TMEM248: variants seen among roughly 807,000 people sequenced by gnomAD.
The protein encoded by TMEM248 is UPF0458 protein C7orf42.
Under a neutral mutation model 30.3 loss-of-function variants are expected in TMEM248, and 9 were observed. The observed-to-expected ratio is 0.30, with a 90% confidence interval of 0.18 to 0.52. The LOEUF is 0.52. TMEM248 is among the 20% of genes least tolerant of loss of function. The probability of loss-of-function intolerance (pLI) is 0.97; values close to 1 mark genes in which losing one functional copy is unlikely to be tolerated. For synonymous variants in TMEM248, 184 were observed against 154.4 expected (o/e 1.19, Z -1.42); for missense variants, 338 against 403.3 (o/e 0.84, Z 1.39).
chr7:66,921,701 C>CTT (rs1791389302), intron 1 of TMEM248: 1 of 152,326 alleles, frequency 6.6e-6, no homozygotes, highest in Non-Finnish European at 1.5e-5. Context: ...CCCTGCCGGC[C>CTT]TTGGAGATGG....
intron 2 of TMEM248, 126 bp from the exon 3 acceptor site, chr7:66,944,840 CATGATCTTAA>C: frequency 1.1e-6 from 1 of 908,320 alleles, no homozygotes; most frequent in South Asian, 1.7e-5. Flanking sequence ...GCCGAGTTGT[CATGATCTTAA>C]ATGATCAGCT....
chr7:66,948,131 T>G (rs1172482152), intron 3 of TMEM248, among the ~76,000 whole-genome samples: 1 of 152,200 alleles, frequency 6.6e-6, no homozygotes, highest in Admixed American at 6.5e-5. Flanking sequence ...TGTTTGTTCA[T>G]ATGTAAAAGG....
intron 6 of TMEM248, 117 bp from the exon 7 acceptor site, chr7:66,955,385 G>A: frequency 8.4e-7 from 1 of 1,187,742 alleles, no homozygotes; most frequent in East Asian, 2.4e-5. Flanking sequence ...TAGGGATTTA[G>A]TAACTTCACT....
At chr7:66,942,702 G>C (rs1171478408) in intron 2 of TMEM248, among the ~76,000 whole-genome samples, 1 of 151,972 alleles carries the variant, frequency 6.6e-6, no homozygotes, top group East Asian at 1.9e-4. Context: ...CGCCACGTTG[G>C]CCAGGCTGGT....
chr7:66,948,818 T>G, intron 4 of TMEM248, 124 bp downstream of exon 4: 28 of 1,006,454 alleles, frequency 2.8e-5, no homozygotes, highest in Non-Finnish European at 3.4e-5. Context: ...GAATTATCTC[T>G]ACTCGGACCT....
chr7:66,928,562 T>G (rs1307161253), intron 1 of TMEM248, among the ~76,000 whole-genome samples: 1 of 152,196 alleles, frequency 6.6e-6, no homozygotes, highest in Non-Finnish European at 1.5e-5. Flanking sequence ...AAAAAATATG[T>G]TAAGCGCTTG....
At chr7:66,930,033 A>G (rs1025986316) in intron 1 of TMEM248, among the ~76,000 whole-genome samples, 14 of 152,062 alleles carry the variant, frequency 9.2e-5, no homozygotes, top group African/African-American at 2.4e-4. Flanking sequence ...GGTAGCATGC[A>G]CTTGTAGTCC....
rs565380818 is a variant in TMEM248 at position 66,953,213 on chromosome 7, C to T, written c.781-13C>T. ...AGCAGATGTTTCTGATTTTTTTTCT[C>T]TTCTTTATTTAGGATGACCGTTCAT... On this transcript the variant is annotated splice_polypyrimidine_tract_variant and intron_variant, in intron 5 of 6. Coordinates refer to ENST00000341567, the MANE Select transcript of TMEM248 (RefSeq NM_017994.5). 28 of 1,609,980 alleles carry T rather than the reference C, an allele frequency of 1.7e-5. No individual in the cohort carries two copies. The highest frequency in any genetic ancestry group is 3.4e-5 in the Admixed American group (2 of 59,062).
rs1156882038 is a variant in TMEM248, at chr7:66,931,792, C to CTTTTTTT, written c.-18-10032_-18-10026dup. Reference sequence around the variant, plus strand: ...TGTGCCCAACCAGGAGGCCTTCCTCCTTTTTTTTTTTTTTTTTTTTTTTTT... The same window carrying CTTTTTTT: ...TGTGCCCAACCAGGAGGCCTTCCTCCTTTTTTTTTTTTTTTTTTTTTTTTTTTTTTTT... On this transcript the variant is annotated intron_variant, in intron 1 of 6. Coordinates refer to ENST00000341567, the MANE Select transcript of TMEM248 (RefSeq NM_017994.5). Among the ~76,000 whole-genome samples the CTTTTTTT allele has an allele frequency of 2.1e-4, 19 of 88,456 alleles. 2 individuals are homozygous for CTTTTTTT. The highest frequency in any genetic ancestry group is 9.6e-4 in the African/African-American group (18 of 18,772). The allele number at this position is 88,456 out of a possible 152,430, so 58.0% of individuals were successfully genotyped here. A position where few individuals can be genotyped will look rare whatever the true frequency, so the allele number is the denominator to read the frequency against.
rs1792384421 is a variant in TMEM248, at chr7:66,955,716, C to T, written c.*194C>T. The stretch of plus-strand genomic sequence containing the variant: ...CTATTCAGAAATTGGTCCAATAATG[C>T]ACGTGCTTTGCCCTGGGTACAGCCA... On this transcript the variant is annotated 3_prime_UTR_variant, in exon 7 of 7. Coordinates refer to ENST00000341567, the MANE Select transcript of TMEM248 (RefSeq NM_017994.5). 1 of 696,646 alleles carries T rather than the reference C, an allele frequency of 1.4e-6. No homozygotes were observed. Among genetic ancestry groups the T allele is most frequent in the Admixed American group, 3.2e-5 (1 of 31,402 alleles). The allele number at this position is 696,646 out of a possible 1,614,324, so 43.2% of individuals were successfully genotyped here. A position where few individuals can be genotyped will look rare whatever the true frequency, so the allele number is the denominator to read the frequency against.
intron 1 of TMEM248, among the ~76,000 whole-genome samples, chr7:66,932,007 T>G (rs1791681336): frequency 6.6e-6 from 1 of 151,628 alleles, no homozygotes; most frequent in African/African-American, 2.4e-5. Flanking sequence ...GGTTTCACCA[T>G]GTTAGTCAGG....
At chr7:66,942,189 T>A (rs1791981693) in intron 2 of TMEM248, among the ~76,000 whole-genome samples, 165 bp downstream of exon 2, 1 of 152,222 alleles carries the variant, frequency 6.6e-6, no homozygotes, top group African/African-American at 2.4e-5. Context: ...GGACTCACTT[T>A]GTTAGGAAAT....
chr7:66,943,222 C>A (rs59500979), intron 2 of TMEM248, among the ~76,000 whole-genome samples: 1 of 152,130 alleles, frequency 6.6e-6, no homozygotes, highest in African/African-American at 2.4e-5. Flanking sequence ...AATGAATATT[C>A]TACTCAAAAC....
At chr7:66,947,227 A>C (rs1237851136) in intron 3 of TMEM248, among the ~76,000 whole-genome samples, 2 of 151,550 alleles carry the variant, frequency 1.3e-5, no homozygotes, top group Non-Finnish European at 2.9e-5. Flanking sequence ...AAAAAAAAAA[A>C]AAAAAAAACA....
chr7:66,935,947 A>C (rs1791792543), intron 1 of TMEM248, among the ~76,000 whole-genome samples: 1 of 152,246 alleles, frequency 6.6e-6, no homozygotes, highest in South Asian at 2.1e-4. Context: ...TTGGTCTATC[A>C]GTTCTAGTTT....
intron 1 of TMEM248, among the ~76,000 whole-genome samples, chr7:66,927,686 T>G (rs1399839399): frequency 6.6e-6 from 1 of 151,262 alleles, no homozygotes; most frequent in Non-Finnish European, 1.5e-5. Context: ...CGAACTCCTG[T>G]GCTCAAGTGA....
At position 66,957,040 on chromosome 7, in the gene TMEM248, AAG is replaced by A. The variant is rs1276761248; in HGVS notation, c.*1519_*1520del. ...TTTTCTTTCTAATCCTTATTCATTT[AAG>A]CAAAACCATACATTATCTTTTCCAG... On this transcript the variant is annotated 3_prime_UTR_variant, in exon 7 of 7. Transcript: ENST00000341567. The A allele has an allele frequency of 2.0e-4, 31 of 152,594 alleles. No homozygotes were observed. The highest frequency in any genetic ancestry group is 2.9e-5 in the Non-Finnish European group (2 of 68,034). 9.5% of individuals were successfully genotyped at this position (152,594 alleles called of 1,614,324 possible).
rs573801765 is a variant in TMEM248, at chr7:66,955,371, T to C, written c.925-131T>C. 69 of 1,078,534 alleles carry C rather than the reference T, an allele frequency of 6.4e-5. No individual in the cohort carries two copies. In the Admixed American group the frequency reaches 1.5e-3, roughly 24 times the overall value. The allele number at this position is 1,078,534 out of a possible 1,614,324, so 66.8% of individuals were successfully genotyped here. A position where few individuals can be genotyped will look rare whatever the true frequency, so the allele number is the denominator to read the frequency against. ...TAATTTCTTCCTAGGTGAGATTTTC[T>C]TTTTAGGGATTTAGTAACTTCACTG... On this transcript the variant is annotated intron_variant, in intron 6 of 6. Coordinates refer to ENST00000341567, the MANE Select transcript of TMEM248 (RefSeq NM_017994.5).
At chr7:66,948,903 A>G (rs1030998359) in intron 4 of TMEM248, among the ~76,000 whole-genome samples, 3 of 152,248 alleles carry the variant, frequency 2.0e-5, no homozygotes, top group African/African-American at 7.2e-5. Flanking sequence ...TGCATATAAA[A>G]TCAGAAAGTT....
Sources: allele counts gnomAD v4.1 joint callset (sites outside exome capture counted in the v4.1 genomes callset), GRCh38; gene constraint gnomAD v4.1.1; transcripts MANE v1.5; gene names NCBI Gene and HGNC (gene_info 2026-07-23, HGNC 2026-07-21).